PPM1H: variants seen among roughly 807,000 people sequenced by gnomAD.
PPM1H encodes protein phosphatase 1H.
Under a neutral mutation model 54.9 loss-of-function variants are expected in PPM1H, and 27 were observed. That is an observed-to-expected ratio of 0.49 (90% CI 0.36 to 0.68). PPM1H has a LOEUF of 0.68. Ranked by LOEUF, PPM1H falls within the 30% of genes least tolerant of loss-of-function variation. The pLI, the probability that PPM1H is intolerant of heterozygous loss-of-function variation, is 0.00. For missense variants in PPM1H, 596 were observed against 667.8 expected, an observed-to-expected ratio of 0.89 and a Z score of 1.19; for synonymous variants, 305 against 270.8, an observed-to-expected ratio of 1.13 and a Z score of -1.24.
intron 1 of PPM1H, among the ~76,000 whole-genome samples, chr12:62,880,491 C>T (rs1870353627): frequency 6.6e-6 from 1 of 152,168 alleles, no homozygotes. Flanking sequence ...CTGGAAGCTG[C>T]ACCATAAAGG....
intron 6 of PPM1H, among the ~76,000 whole-genome samples, chr12:62,704,297 T>G (rs2076161116): frequency 6.6e-6 from 1 of 152,148 alleles, no homozygotes; most frequent in African/African-American, 2.4e-5. Context: ...GTTTTGGGGC[T>G]TAGAATGTTT....
intron 8 of PPM1H, among the ~76,000 whole-genome samples, chr12:62,689,381 C>G (rs1267329055): frequency 6.6e-6 from 1 of 152,204 alleles, no homozygotes; most frequent in Admixed American, 6.5e-5. Flanking sequence ...CATGCCTGGG[C>G]TGCCATTGAA....
chr12:62,810,569 T>C (rs337516), intron 2 of PPM1H, among the ~76,000 whole-genome samples: 24,902 of 152,250 alleles, frequency 0.16, 3,018 homozygotes, highest in African/African-American at 0.35. Context: ...CTCTAAGATT[T>C]TGTGTTTATA....
chr12:62,828,313 T>G (rs1397250832), intron 2 of PPM1H, among the ~76,000 whole-genome samples: 1 of 152,218 alleles, frequency 6.6e-6, no homozygotes, highest in African/African-American at 2.4e-5. Flanking sequence ...CAACATTTCC[T>G]GCAATCCAGG....
At chr12:62,716,431 G>A (rs1036058742) in intron 6 of PPM1H, among the ~76,000 whole-genome samples, 3 of 152,088 alleles carry the variant, frequency 2.0e-5, no homozygotes, top group Non-Finnish European at 4.4e-5. Flanking sequence ...TCCAATAATT[G>A]TCAGCCCCAT....
At chr12:62,648,697 G>A (rs751776019) in intron 9 of PPM1H, 61 bp from the exon 10 acceptor site, 45 of 1,554,290 alleles carry the variant, frequency 2.9e-5, no homozygotes, top group Non-Finnish European at 3.5e-5. Flanking sequence ...CCAGGGTCAA[G>A]TGAGGCTGGG....
chr12:62,739,373 A>T (rs2076369161), intron 4 of PPM1H, among the ~76,000 whole-genome samples: 1 of 152,134 alleles, frequency 6.6e-6, no homozygotes, highest in Non-Finnish European at 1.5e-5. Flanking sequence ...TTTTGACAGG[A>T]TGGAGAAACA....
chr12:62,881,999 G>C (rs758067319), intron 1 of PPM1H, among the ~76,000 whole-genome samples: 2 of 152,100 alleles, frequency 1.3e-5, no homozygotes, highest in African/African-American at 2.4e-5. Flanking sequence ...GACTATCAGG[G>C]TTTTGTCCTA....
At chr12:62,831,700 T>A (rs1400375672) in intron 2 of PPM1H, among the ~76,000 whole-genome samples, 1 of 123,256 alleles carries the variant, frequency 8.1e-6, no homozygotes, top group East Asian at 2.5e-4. Flanking sequence ...TCAAACATTG[T>A]GTGTGTATGT....
intron 9 of PPM1H, 96 bp from the exon 10 acceptor site, chr12:62,648,732 T>G: frequency 1.5e-6 from 2 of 1,338,206 alleles, no homozygotes. Context: ...ACTACAGTTG[T>G]ATAAATAAGT....
chr12:62,745,403 G>T (rs1401509579), intron 4 of PPM1H, among the ~76,000 whole-genome samples: 2 of 152,086 alleles, frequency 1.3e-5, no homozygotes, highest in Non-Finnish European at 2.9e-5. Context: ...ACTGTTACAG[G>T]AAACGTATGC....
At chr12:62,756,085 A>G in intron 4 of PPM1H, 1 of 1,026,872 alleles carries the variant, frequency 9.7e-7, no homozygotes, top group South Asian at 1.3e-5. Flanking sequence ...TCTGATTTTA[A>G]CAGCGACATC....
intron 1 of PPM1H, among the ~76,000 whole-genome samples, chr12:62,932,979 T>C (rs1380586402): frequency 6.6e-6 from 1 of 152,018 alleles, no homozygotes; most frequent in African/African-American, 2.4e-5. Flanking sequence ...CAAGAAATAG[T>C]GTTTGGTATG....
chr12:62,766,390 A>C (rs1195668261), intron 4 of PPM1H, among the ~76,000 whole-genome samples: 3 of 152,074 alleles, frequency 2.0e-5, no homozygotes, highest in Non-Finnish European at 4.4e-5. Flanking sequence ...GTGGAAAATA[A>C]AACTAGAAAG....
intron 8 of PPM1H, among the ~76,000 whole-genome samples, chr12:62,689,176 T>A (rs1398034444): frequency 2.0e-5 from 3 of 152,068 alleles, no homozygotes; most frequent in African/African-American, 7.2e-5. Context: ...AAAAAGAATT[T>A]GGATGTTTGG....
intron 6 of PPM1H, among the ~76,000 whole-genome samples, chr12:62,698,613 C>T (rs922615213): frequency 2.6e-5 from 4 of 152,014 alleles, no homozygotes; most frequent in African/African-American, 9.7e-5. Context: ...ACTGAAAACA[C>T]TTAAGATGTG....
chr12:62,790,693 G>A (rs527694831), intron 3 of PPM1H, among the ~76,000 whole-genome samples: 2 of 152,290 alleles, frequency 1.3e-5, no homozygotes, highest in South Asian at 4.1e-4. Flanking sequence ...GGGAACTGGA[G>A]AGCCACGGGG....
At position 62,844,994 on chromosome 12, in the gene PPM1H, T is replaced by C. The variant is rs554703529; in HGVS notation, c.246-12715A>G. 6.6e-6 allele frequency among the ~76,000 whole-genome samples: 1 copy of C among 152,346 alleles called. No homozygotes were observed. Among genetic ancestry groups the C allele is most frequent in the African/African-American group, 2.4e-5 (1 of 41,586 alleles). ...CTCCAGCAAAGAAGTAGCTGATAGA[T>C]GTCAGAGCCTAGGGTACCTCTTCAT... On this transcript the variant is annotated intron_variant, in intron 1 of 9. Coordinates refer to ENST00000228705, the MANE Select transcript of PPM1H (RefSeq NM_020700.2). This position sits in a 1 kb window ranked among gnomAD's most constrained non-coding sequence, Gnocchi z 5.2.
chr12:62,817,145 A>T (rs2076873121), intron 2 of PPM1H, among the ~76,000 whole-genome samples: 1 of 133,406 alleles, frequency 7.5e-6, no homozygotes, highest in Admixed American at 7.5e-5. Context: ...AAGAAAAAAA[A>T]AAAAACTAAA....
Sources: allele counts gnomAD v4.1 joint callset (sites outside exome capture counted in the v4.1 genomes callset), GRCh38; gene constraint gnomAD v4.1.1; non-coding constraint Gnocchi (gnomAD v3.1); transcripts MANE v1.5; gene names NCBI Gene and HGNC (gene_info 2026-07-23, HGNC 2026-07-21).